The following PPP1R9A variants were observed in gnomAD, a reference collection of about 807,000 sequenced individuals.
PPP1R9A encodes neurabin-1.
Under a neutral mutation model 141.9 loss-of-function variants are expected in PPP1R9A, and 59 were observed. That is an observed-to-expected ratio of 0.42 (90% confidence interval 0.34 to 0.52). The LOEUF (loss-of-function observed/expected upper bound fraction) is 0.52. Among genes scored for constraint, PPP1R9A ranks in the 20% least tolerant of loss-of-function variants. The pLI is 0.10. For synonymous variants in PPP1R9A, 500 were observed against 569.7 expected (o/e 0.88, Z 1.74); for missense variants, 1,444 against 1,611.9 (o/e 0.90, Z 1.78).
intron 4 of PPP1R9A, chr7:95,155,185 C>CTTTTTTTTTT (rs57799059): frequency 2.5e-5 from 3 of 119,510 alleles, no homozygotes; most frequent in Non-Finnish European, 3.4e-5. Context: ...TTCTTTTTTT[C>CTTTTTTTTTT]TTTTTTTTTT....
intron 8 of PPP1R9A, among the ~76,000 whole-genome samples, chr7:95,243,658 G>A (rs1797753054): frequency 6.6e-6 from 1 of 152,144 alleles, no homozygotes; most frequent in South Asian, 2.1e-4. Context: ...GGGAGGAACA[G>A]AGGTAGGAAG....
At chr7:95,111,523 G>A (rs969150938) in intron 3 of PPP1R9A, 132 bp downstream of exon 3, 2 of 978,174 alleles carry the variant, frequency 2.0e-6, no homozygotes, top group Non-Finnish European at 2.9e-6. Flanking sequence ...TATTTATTAA[G>A]TTTCAAAAAT....
intron 2 of PPP1R9A, among the ~76,000 whole-genome samples, chr7:94,966,897 C>A (rs1180853518): frequency 6.6e-6 from 1 of 152,156 alleles, no homozygotes; most frequent in Non-Finnish European, 1.5e-5. Context: ...ATGGTTACTG[C>A]TCCTCTTTGT....
chr7:95,241,703 A>G (rs1276932760), intron 8 of PPP1R9A, among the ~76,000 whole-genome samples: 2 of 152,130 alleles, frequency 1.3e-5, no homozygotes, highest in African/African-American at 2.4e-5. Flanking sequence ...TGAAGAAAAA[A>G]TGGAGTCTAA....
At chr7:94,949,447 TAGGTC>T (rs2151015029) in intron 2 of PPP1R9A, among the ~76,000 whole-genome samples, 2 of 152,184 alleles carry the variant, frequency 1.3e-5, no homozygotes, top group Non-Finnish European at 2.9e-5. Flanking sequence ...ATGGGATACT[TAGGTC>T]AGGTCAAGGA....
At chr7:95,021,780 A>G (rs1350740704) in intron 2 of PPP1R9A, among the ~76,000 whole-genome samples, 2 of 152,150 alleles carry the variant, frequency 1.3e-5, no homozygotes, top group East Asian at 3.9e-4. Flanking sequence ...AGATGGTTGT[A>G]GATGTGTGGT....
At chr7:94,944,645 T>C (rs1349566575) in intron 2 of PPP1R9A, among the ~76,000 whole-genome samples, 14 of 152,060 alleles carry the variant, frequency 9.2e-5, no homozygotes, top group Admixed American at 9.2e-4. Context: ...TGTTCATTTG[T>C]GGAAATCCCA....
At chr7:95,267,851 C>A (rs1801544212) in intron 12 of PPP1R9A, among the ~76,000 whole-genome samples, 2 of 152,062 alleles carry the variant, frequency 1.3e-5, no homozygotes, top group Admixed American at 1.3e-4. Flanking sequence ...GTTTATCCTA[C>A]CTCATCCACA....
At chr7:95,196,620 T>C (rs1836317797) in intron 5 of PPP1R9A, among the ~76,000 whole-genome samples, 1 of 152,050 alleles carries the variant, frequency 6.6e-6, no homozygotes, top group Admixed American at 6.6e-5. Context: ...AACTATTTAG[T>C]GATAAAAAAG....
chr7:95,160,099 T>C lies in PPP1R9A; in HGVS notation c.1650-1768T>C, dbSNP rs10252044. Among the ~76,000 whole-genome samples, 6 of 151,808 alleles carry C rather than the reference T, an allele frequency of 4.0e-5. 1 individual carries two copies. Among genetic ancestry groups the C allele is most frequent in the African/African-American group, 1.4e-4 (6 of 41,438 alleles). On this transcript the variant is annotated intron_variant, in intron 4 of 19. Transcript: ENST00000433360. ...GAATAAAAATGATATATATAAAATA[T>C]ATATAGAAATGTAAAAGTATTATAC...
At chr7:94,938,275 CTA>C (rs1398119551) in intron 2 of PPP1R9A, among the ~76,000 whole-genome samples, 2 of 152,136 alleles carry the variant, frequency 1.3e-5, no homozygotes, top group Admixed American at 1.3e-4. Flanking sequence ...AGACCTGAAA[CTA>C]TCACCTGCCC....
intron 2 of PPP1R9A, among the ~76,000 whole-genome samples, chr7:95,033,798 A>C (rs1162762048): frequency 6.6e-6 from 1 of 151,888 alleles, no homozygotes; most frequent in East Asian, 1.9e-4. Context: ...GAAGTGTGCC[A>C]GTTTTGTCTT....
chr7:95,251,845 G>C lies in PPP1R9A; in HGVS notation c.2480G>C (p.Gly827Ala), dbSNP rs58319274. ...AAAGCTCATCTTGTGGAAGTGCAAG[G>C]CCTCCAAGTGCGGGTAAGTTGTGTT... ...LEKAHLVEVQ[G>A]LQVRIRDLEA... is the part of the protein sequence containing the mutation. Residue 827 changes from glycine (G) to alanine (A), a missense_variant, in exon 11 of 20, where the codon GGC becomes GCC. By Grantham distance (60) the Gly-to-Ala change is moderately conservative. This residue lies in a region of PPP1R9A where 488 missense variants were observed against 542.0 expected (regional missense o/e 0.90). Transcript: ENST00000433360. 3,378 of 1,613,858 alleles carry C rather than the reference G, an allele frequency of 2.1e-3. 61 individuals are homozygous for C. In the African/African-American group the frequency reaches 0.039, roughly 18 times the overall value.
chr7:95,268,518 T>TTC (rs1801646929), intron 12 of PPP1R9A, 32 bp from the exon 13 acceptor site: 2 of 1,610,586 alleles, frequency 1.2e-6, no homozygotes, highest in Admixed American at 3.3e-5. Flanking sequence ...CTCCAAAGGT[T>TTC]TCTCTCACTG....
At position 95,291,817 on chromosome 7, in the gene PPP1R9A, C is replaced by T. The variant is rs1170705738; in HGVS notation, c.*1514C>T. On this transcript the variant is annotated 3_prime_UTR_variant, in exon 20 of 20. Transcript: ENST00000433360. ...CTGCTCTGTTCCCAGCATCTCGTAT[C>T]TTCCACTAGAAGTATTCCATATTTA... is the stretch of plus-strand genomic sequence containing the variant. 1.3e-5 allele frequency: 2 copies of T among 152,160 alleles called. No individual in the cohort carries two copies. Among genetic ancestry groups the T allele is most frequent in the Non-Finnish European group, 2.9e-5 (2 of 68,032 alleles). 9.4% of individuals were successfully genotyped at this position (152,160 alleles called of 1,614,324 possible). A position where few individuals can be genotyped will look rare whatever the true frequency, so the allele number is the denominator to read the frequency against.
chr7:94,929,568 A>C (rs749520553), intron 2 of PPP1R9A, among the ~76,000 whole-genome samples: 6 of 152,176 alleles, frequency 3.9e-5, no homozygotes, highest in Non-Finnish European at 5.9e-5. Context: ...CATGTACCAC[A>C]AAGTTTAATA....
intron 2 of PPP1R9A, among the ~76,000 whole-genome samples, chr7:95,014,179 AC>A (rs1804787756): frequency 6.6e-6 from 1 of 152,096 alleles, no homozygotes; most frequent in Non-Finnish European, 1.5e-5. Context: ...TTCAAATTAG[AC>A]CCGTTGGCCC....
intron 8 of PPP1R9A, among the ~76,000 whole-genome samples, chr7:95,227,880 CT>C (rs1795365784): frequency 6.6e-6 from 1 of 152,212 alleles, no homozygotes; most frequent in Admixed American, 6.6e-5. Flanking sequence ...CTTTTATCCT[CT>C]TTTGTTTTAC....
chr7:95,154,793 A>T (rs116020213), intron 4 of PPP1R9A: 1,571 of 152,304 alleles, frequency 0.01, 25 homozygotes, highest in African/African-American at 0.036. Context: ...ACACCAAAAT[A>T]CACTGTTCAA....
Sources: gnomAD v4.1 joint callset for allele counts (sites outside exome capture counted in the v4.1 genomes callset) on GRCh38, gnomAD v4.1.1 for gene constraint, gnomAD v4.1.1 regional missense constraint, MANE v1.5 for transcripts, NCBI Gene and HGNC (gene_info 2026-07-23, HGNC 2026-07-21) for gene names.